The following STIM2 variants were observed in gnomAD, a reference collection of about 807,000 sequenced individuals.
STIM2 encodes the protein stromal interaction molecule 2.
In STIM2, 31 loss-of-function variants were observed where a neutral mutation model predicts 85.8. The ratio of observed to expected loss-of-function variants is 0.36; its 90% CI spans 0.27 to 0.49. The LOEUF (loss-of-function observed/expected upper bound fraction) is 0.49. STIM2 is among the 20% of genes least tolerant of loss of function. STIM2 has a pLI of 0.98. For synonymous variants in STIM2, 356 were observed against 331.1 expected (o/e 1.08, Z -0.82); for missense variants, 841 against 927.6 (o/e 0.91, Z 1.21).
At chr4:26,906,696 G>T (rs1328116532) in intron 1 of STIM2, among the ~76,000 whole-genome samples, 1 of 152,106 alleles carries the variant, frequency 6.6e-6, no homozygotes, top group Non-Finnish European at 1.5e-5. Flanking sequence ...GACTGGAAAT[G>T]ATATTCTGTA....
chr4:27,001,379 C>A (rs1173556410), intron 5 of STIM2, among the ~76,000 whole-genome samples: 3 of 152,168 alleles, frequency 2.0e-5, no homozygotes, highest in African/African-American at 7.2e-5. Context: ...TGGCTCCTCA[C>A]TCTTTGTTTT....
At chr4:26,887,615 G>A (rs1322293909) in intron 1 of STIM2, among the ~76,000 whole-genome samples, 2 of 152,152 alleles carry the variant, frequency 1.3e-5, no homozygotes, top group Non-Finnish European at 2.9e-5. Flanking sequence ...TTGAAGCAAA[G>A]AGTGGCTATT....
intron 1 of STIM2, among the ~76,000 whole-genome samples, chr4:26,915,199 A>G (rs115263464): frequency 0.013 from 2,039 of 152,074 alleles, 52 homozygotes; most frequent in African/African-American, 0.047. Context: ...TGGTTTCTAG[A>G]ATGTAGTGGA....
chr4:26,903,264 C>T (rs1263777600), intron 1 of STIM2, among the ~76,000 whole-genome samples: 1 of 152,132 alleles, frequency 6.6e-6, no homozygotes, highest in African/African-American at 2.4e-5. Context: ...ATATTTGTTA[C>T]AAAATACAAA....
chr4:26,992,672 G>A (rs957423319), intron 3 of STIM2, among the ~76,000 whole-genome samples: 10 of 152,078 alleles, frequency 6.6e-5, no homozygotes, highest in African/African-American at 1.9e-4. Flanking sequence ...CAAACAGCAC[G>A]TACAGAGGCC....
At chr4:26,899,425 T>C (rs538628827) in intron 1 of STIM2, among the ~76,000 whole-genome samples, 1 of 152,280 alleles carries the variant, frequency 6.6e-6, no homozygotes, top group East Asian at 1.9e-4. Flanking sequence ...TATAAGTGTT[T>C]CACTACCTTT....
intron 1 of STIM2, among the ~76,000 whole-genome samples, chr4:26,910,319 C>G (rs1031945103): frequency 6.6e-6 from 1 of 151,854 alleles, no homozygotes; most frequent in African/African-American, 2.4e-5. Context: ...GTCAGGAGTT[C>G]AAGACCAGGC....
At chr4:27,022,388 T>C (rs947389473) in intron 11 of STIM2, 131 bp from the exon 12 acceptor site, 1 of 702,072 alleles carries the variant, frequency 1.4e-6, no homozygotes, top group Non-Finnish European at 2.3e-6. Context: ...TGCTGAAATG[T>C]ATATAGAATC....
intron 2 of STIM2, among the ~76,000 whole-genome samples, chr4:26,933,798 T>G (rs1222011841): frequency 1.3e-5 from 2 of 151,630 alleles, no homozygotes; most frequent in Non-Finnish European, 2.9e-5. Context: ...CTGATATAAT[T>G]TTAAAATAAA....
intron 1 of STIM2, among the ~76,000 whole-genome samples, chr4:26,898,414 G>A (rs138668178): frequency 2.9e-3 from 443 of 152,220 alleles, no homozygotes; most frequent in Admixed American, 5.3e-3. Flanking sequence ...TGATCAGTGG[G>A]TTCAGGTATT....
intron 3 of STIM2, among the ~76,000 whole-genome samples, chr4:26,967,417 A>G (rs1726764087): frequency 1.3e-5 from 2 of 152,198 alleles, no homozygotes; most frequent in South Asian, 4.1e-4. Context: ...TGGCCATCAG[A>G]GACATGGAGG....
chr4:26,983,278 C>T (rs1727466045), intron 3 of STIM2, among the ~76,000 whole-genome samples: 1 of 152,190 alleles, frequency 6.6e-6, no homozygotes, highest in Admixed American at 6.5e-5. Context: ...TGGCTGTTGA[C>T]AAAGGTCCCC....
intron 2 of STIM2, among the ~76,000 whole-genome samples, chr4:26,941,862 G>T (rs932153249): frequency 6.6e-6 from 1 of 152,144 alleles, no homozygotes; most frequent in Non-Finnish European, 1.5e-5. Context: ...TAGGTGTATA[G>T]TTTGATGAAT....
At chr4:26,878,326 C>A (rs920864337) in intron 1 of STIM2, among the ~76,000 whole-genome samples, 28 of 152,118 alleles carry the variant, frequency 1.8e-4, no homozygotes, top group African/African-American at 6.8e-4. Context: ...CCAAATTTTG[C>A]CTTGTGACTG....
At chr4:26,920,929 C>A (rs1724771354) in intron 2 of STIM2, among the ~76,000 whole-genome samples, 1 of 152,140 alleles carries the variant, frequency 6.6e-6, no homozygotes, top group South Asian at 2.1e-4. Flanking sequence ...ACTTTTTCTG[C>A]AAAGGGCCAA....
chr4:26,869,392 TGAGAAAGC>T (rs1262051137), intron 1 of STIM2, among the ~76,000 whole-genome samples: 2 of 151,486 alleles, frequency 1.3e-5, no homozygotes, highest in African/African-American at 4.9e-5. Flanking sequence ...AGGGTTAAAG[TGAGAAAGC>T]CAGTCGTTGG....
chr4:26,965,779 C>T (rs1726694043), intron 3 of STIM2, among the ~76,000 whole-genome samples: 1 of 152,078 alleles, frequency 6.6e-6, no homozygotes. Context: ...TTGAGACAAT[C>T]CTGCCTTCTT....
In STIM2 at chr4:26,999,268, G is replaced by C; in HGVS notation, c.546G>C (p.Gln182His). ...ACGAACCTTCATTTATGATCTCCCA[G>C]TTGAAAATCAGTGACCGGAGTCACA... is the stretch of plus-strand genomic sequence containing the variant. The change falls in exon 5 of 12, where the codon CAG becomes CAC. Residue 182 changes from glutamine to histidine, a missense_variant. Gln to His is a conservative substitution (Grantham distance 24, BLOSUM62 0). This residue lies in a region of STIM2 where 408 missense variants were observed against 525.4 expected (regional missense o/e 0.78). Coordinates refer to ENST00000467087, the MANE Select transcript of STIM2 (RefSeq NM_020860.4). 6.2e-7 allele frequency: 1 copy of C among 1,609,278 alleles called. No individual in the cohort carries two copies. The highest frequency in any genetic ancestry group is 8.5e-7 in the Non-Finnish European group (1 of 1,177,656).
intron 4 of STIM2, among the ~76,000 whole-genome samples, chr4:26,995,744 T>A (rs1727941323): frequency 6.6e-6 from 1 of 152,074 alleles, no homozygotes; most frequent in Admixed American, 6.6e-5. Context: ...GTCAACTATA[T>A]CATTTGTAAA....
Sources: allele counts gnomAD v4.1 joint callset (sites outside exome capture counted in the v4.1 genomes callset), GRCh38; gene constraint gnomAD v4.1.1; regional missense constraint gnomAD v4.1.1; transcripts MANE v1.5; gene names NCBI Gene and HGNC (gene_info 2026-07-23, HGNC 2026-07-21).